Variants in ZDBF2 observed in about 807,000 individuals in gnomAD.
The protein encoded by ZDBF2 is zinc finger DBF-type containing 2, also known as DBF4-type zinc finger-containing protein 2.
ZDBF2 carries 6 observed loss-of-function variants against 9.4 expected under a neutral mutation model. The ratio of observed to expected loss-of-function variants is 0.64; its 90% CI spans 0.35 to 1.27. The LOEUF (loss-of-function observed/expected upper bound fraction) is 1.27. ZDBF2 is among the 50% of genes most tolerant of loss of function. ZDBF2 has a pLI of 0.03. For synonymous variants in ZDBF2, 905 were observed against 946.3 expected, an observed-to-expected ratio of 0.96 and a Z score of 0.80; for missense variants, 2,697 against 2,766.8, an observed-to-expected ratio of 0.97 and a Z score of 0.57.
At chr2:206,292,888 G>A (rs6744104) in intron 3 of ZDBF2, among the ~76,000 whole-genome samples, 62,900 of 151,676 alleles carry the variant, frequency 0.41, 13,437 homozygotes, top group Admixed American at 0.47. Flanking sequence ...AAACATGTCA[G>A]TTCTGCCTAG....
rs1379723301 is a variant in ZDBF2, at chr2:206,312,120, C to T, written c.*527C>T. The T allele has an allele frequency of 3.3e-5, 5 of 152,078 alleles. No homozygotes were observed. Among genetic ancestry groups the T allele is most frequent in the Non-Finnish European group, 5.9e-5 (4 of 68,014 alleles). 9.4% of individuals were successfully genotyped at this position (152,078 alleles called of 1,614,324 possible). A position where few individuals can be genotyped will look rare whatever the true frequency, so the allele number is the denominator to read the frequency against. ...TTAAAAACTGGTGATTTTTTTTATG[C>T]ATAGCACAAACTCCTCCTGCTTCAT... On this transcript the variant is annotated 3_prime_UTR_variant, in exon 5 of 5. Coordinates refer to ENST00000374423, the MANE Select transcript of ZDBF2 (RefSeq NM_020923.3).
intron 3 of ZDBF2, among the ~76,000 whole-genome samples, chr2:206,292,974 A>G (rs1200714616): frequency 6.6e-6 from 1 of 152,188 alleles, no homozygotes; most frequent in African/African-American, 2.4e-5. Context: ...GCCAATTCCA[A>G]AAATAAATGT....
rs1224973566 is a variant in ZDBF2 at position 206,308,937 on chromosome 2, A to G, written c.4409A>G (p.Gln1470Arg). ...CTTCAGTCAGAAGTTGACCAACCTC[A>G]AGTGTCTTACAAAGAGGCAGACCTT... ...VHLQSEVDQPQVSYKEADLQK... is the reference protein window; with the variant it reads ...VHLQSEVDQPRVSYKEADLQK... The change falls in exon 5 of 5, where the codon CAA becomes CGA. Residue 1470 changes from glutamine (Q) to arginine (R), a missense_variant. Coordinates refer to ENST00000374423, the MANE Select transcript of ZDBF2 (RefSeq NM_020923.3). The G allele has an allele frequency of 6.2e-7, 1 of 1,613,338 alleles. No homozygotes were observed. The highest frequency in any genetic ancestry group is 8.5e-7 in the Non-Finnish European group (1 of 1,179,630).
intron 3 of ZDBF2, among the ~76,000 whole-genome samples, chr2:206,291,649 G>C (rs1691905651): frequency 6.6e-6 from 1 of 152,202 alleles, no homozygotes; most frequent in Non-Finnish European, 1.5e-5. Flanking sequence ...GGGGGATGTA[G>C]TTCAACCTAT....
intron 3 of ZDBF2, among the ~76,000 whole-genome samples, chr2:206,284,880 C>T (rs138434707): frequency 3.3e-4 from 51 of 152,242 alleles, no homozygotes; most frequent in African/African-American, 1.1e-3. Context: ...AAGAGTGCAC[C>T]AACACACCTG....
In ZDBF2 at chr2:206,308,288, GCTGGCCAAC is replaced by G; in HGVS notation, c.3764_3772del (p.Gly1255_Pro1257del). The G allele has an allele frequency of 6.2e-7, 1 of 1,613,872 alleles. No individual in the cohort carries two copies. The highest frequency in any genetic ancestry group is 1.1e-5 in the South Asian group (1 of 91,054). ...TGATTCTGATGTTCTTCAGCCAGTGGCTGGCCAACCTGAAGAAGTAGTTAAGGAGGTCAG... is the reference window on the plus strand; with the variant it reads ...TGATTCTGATGTTCTTCAGCCAGTGGCTGAAGAAGTAGTTAAGGAGGTCAG... On this transcript the variant is annotated inframe_deletion, in exon 5 of 5. Coordinates refer to ENST00000374423, the MANE Select transcript of ZDBF2 (RefSeq NM_020923.3).
At chr2:206,283,139 TA>T (rs1691410529) in intron 3 of ZDBF2, among the ~76,000 whole-genome samples, 1 of 152,270 alleles carries the variant, frequency 6.6e-6, no homozygotes, top group South Asian at 2.1e-4. Flanking sequence ...GGGTTGTTTT[TA>T]CTTTTTGACT....
At chr2:206,303,789 C>A (rs1373216332) in intron 4 of ZDBF2, among the ~76,000 whole-genome samples, 1 of 151,920 alleles carries the variant, frequency 6.6e-6, no homozygotes, top group Non-Finnish European at 1.5e-5. Context: ...TATTTTTTTC[C>A]CTTCTATTTT....
Position 206,307,445 on chromosome 2 carries a change from G to T in ZDBF2, c.2917G>T (p.Val973Leu). 1 of 1,612,138 alleles carries T rather than the reference G, an allele frequency of 6.2e-7. No individual in the cohort carries two copies. The highest frequency in any genetic ancestry group is 1.1e-5 in the South Asian group (1 of 90,410). Reference protein sequence around the residue: ...PLQAATHKPEVIVKETWLQRE... With the variant: ...PLQAATHKPELIVKETWLQRE... ...TCAGGCAGCGACTCACAAACCTGAA[G>T]TAATTGTCAAAGAAACATGGCTTCA... Residue 973 changes from valine (V) to leucine (L), a missense_variant, in exon 5 of 5, where the codon GTA becomes TTA. Around this residue, in one of 3 missense-constraint regions of ZDBF2, gnomAD observed 1,783 missense variants for 1,776.5 expected, o/e 1.00. Coordinates refer to ENST00000374423, the MANE Select transcript of ZDBF2 (RefSeq NM_020923.3).
intron 3 of ZDBF2, among the ~76,000 whole-genome samples, chr2:206,294,201 AG>A (rs1692046853): frequency 6.6e-6 from 1 of 152,196 alleles, no homozygotes. Flanking sequence ...ATTAAAAGTT[AG>A]GTAATAGTTA....
chr2:206,309,389 T>C lies in ZDBF2; in HGVS notation c.4861T>C (p.Cys1621Arg). 1.2e-6 allele frequency: 2 copies of C among 1,613,704 alleles called. No individual in the cohort carries two copies. Among genetic ancestry groups the C allele is most frequent in the Non-Finnish European group, 1.7e-6 (2 of 1,179,808 alleles). ...TCTGGGAGAGCCAAGTTGTCAATCTTGTGGTTCTGAAATGAATTTTAATGT... is the reference window on the plus strand; with the variant it reads ...TCTGGGAGAGCCAAGTTGTCAATCTCGTGGTTCTGAAATGAATTTTAATGT... ...IILGEPSCQS[C>R]GSEMNFNVDA... Residue 1621 changes from cysteine to arginine, a missense_variant, in exon 5 of 5, where the codon TGT (cysteine) becomes CGT (arginine). This residue lies in a region of ZDBF2 where 1,783 missense variants were observed against 1,776.5 expected (regional missense o/e 1.00). Coordinates refer to ENST00000374423, the MANE Select transcript of ZDBF2 (RefSeq NM_020923.3).
At chr2:206,289,596 C>T (rs1691781924) in intron 3 of ZDBF2, among the ~76,000 whole-genome samples, 1 of 152,170 alleles carries the variant, frequency 6.6e-6, no homozygotes, top group Non-Finnish European at 1.5e-5. Flanking sequence ...AAAAGGGAGC[C>T]ATGGCTACTT....
Position 206,307,774 on chromosome 2 carries a change from T to C in ZDBF2, c.3246T>C (p.Phe1082=). 1 of 1,610,994 alleles carries C rather than the reference T, an allele frequency of 6.2e-7. No individual in the cohort carries two copies. Among genetic ancestry groups the C allele is most frequent in the Non-Finnish European group, 8.5e-7 (1 of 1,179,222 alleles). Residue 1082 remains phenylalanine, a synonymous_variant, in exon 5 of 5, where the codon TTT becomes TTC. Coordinates refer to ENST00000374423, the MANE Select transcript of ZDBF2 (RefSeq NM_020923.3). Reference sequence around the variant, plus strand: ...AATCAGGTGATTCTAAAATAACTTTTGATTCTGAACAACTTCAGGAAGCGG... The same window carrying C: ...AATCAGGTGATTCTAAAATAACTTTCGATTCTGAACAACTTCAGGAAGCGG... The part of the protein sequence containing the change: ...NSKSGDSKIT[F]DSEQLQEAVK...
intron 3 of ZDBF2, among the ~76,000 whole-genome samples, chr2:206,293,137 C>G (rs529443325): frequency 2.6e-5 from 4 of 152,122 alleles, no homozygotes; most frequent in African/African-American, 9.6e-5. Flanking sequence ...GGAAAAAAAC[C>G]AGGAATTCCA....
Position 206,306,805 on chromosome 2 carries a change from G to A in ZDBF2, c.2277G>A (p.Leu759=), listed in dbSNP as rs1407303827. The A allele has an allele frequency of 3.1e-6, 5 of 1,613,734 alleles. No homozygotes were observed. The highest frequency in any genetic ancestry group is 2.7e-5 in the African/African-American group (2 of 74,906). ...ELTFDSDPPL[L]SVTEQSHLDA... The stretch of plus-strand genomic sequence containing the variant: ...CTTTTGATTCTGACCCGCCTCTTCT[G>A]TCAGTTACTGAGCAGTCTCATCTGG... Residue 759 remains leucine (L), a synonymous_variant, in exon 5 of 5, where the codon CTG becomes CTA. Transcript: ENST00000374423.
intron 3 of ZDBF2, among the ~76,000 whole-genome samples, chr2:206,290,547 G>A (rs1057237718): frequency 6.6e-6 from 1 of 152,166 alleles, no homozygotes; most frequent in Admixed American, 6.6e-5. Flanking sequence ...AATTTTCAAT[G>A]TGCAAGTTTC....
At chr2:206,300,364 C>G (rs1692437640) in intron 4 of ZDBF2, among the ~76,000 whole-genome samples, 1 of 152,088 alleles carries the variant, frequency 6.6e-6, no homozygotes. Context: ...TAAATAGTTC[C>G]TCAGTTTGTC....
chr2:206,298,477 G>A (rs562342084), intron 4 of ZDBF2, among the ~76,000 whole-genome samples: 7 of 152,296 alleles, frequency 4.6e-5, no homozygotes, highest in Admixed American at 3.9e-4. Flanking sequence ...TGGGAAGATA[G>A]AATTAGCCTA....
rs1234783301 is a variant in ZDBF2, at chr2:206,311,177, A to T, written c.6649A>T (p.Thr2217Ser). The T allele has an allele frequency of 1.2e-6, 2 of 1,612,816 alleles. No homozygotes were observed. Among genetic ancestry groups the T allele is most frequent in the Non-Finnish European group, 1.7e-6 (2 of 1,179,636 alleles). The change falls in exon 5 of 5, where the codon ACC (threonine) becomes TCC (serine). Residue 2217 changes from threonine to serine, a missense_variant. Around this residue, in one of 3 missense-constraint regions of ZDBF2, gnomAD observed 1,783 missense variants for 1,776.5 expected, o/e 1.00. Transcript: ENST00000374423. Reference protein sequence around the residue: ...ASEKQSIWIRTKPSDIIRKYI... With the variant: ...ASEKQSIWIRSKPSDIIRKYI... ...AGAGAAACAGTCAATTTGGATTCGG[A>T]CCAAACCAAGTGATATCATTAGAAA...
Sources: allele counts gnomAD v4.1 joint callset (sites outside exome capture counted in the v4.1 genomes callset), GRCh38; gene constraint gnomAD v4.1.1; regional missense constraint gnomAD v4.1.1; transcripts MANE v1.5; gene names NCBI Gene and HGNC (gene_info 2026-07-23, HGNC 2026-07-21).